Variants in CERS6 observed in about 807,000 individuals in gnomAD.
The protein encoded by CERS6 is LAG1 homolog, ceramide synthase 6.
Under a neutral mutation model 56.8 loss-of-function variants are expected in CERS6, and 26 were observed. The observed-to-expected ratio is 0.46, with a 90% CI of 0.34 to 0.63. The LOEUF is 0.63. Ranked by LOEUF, CERS6 falls within the 30% of genes least tolerant of loss-of-function variation. The pLI is 0.01. For missense variants in CERS6, 415 were observed against 467.5 expected, an observed-to-expected ratio of 0.89 and a Z score of 1.04; for synonymous variants, 164 against 173.3, an observed-to-expected ratio of 0.95 and a Z score of 0.42.
intron 1 of CERS6, among the ~76,000 whole-genome samples, chr2:168,535,426 T>G (rs887744748): frequency 1.3e-5 from 2 of 152,158 alleles, no homozygotes; most frequent in Admixed American, 6.5e-5. Flanking sequence ...GTTCACTTAC[T>G]GCTTCCCTTG....
intron 6 of CERS6, among the ~76,000 whole-genome samples, chr2:168,702,104 A>G (rs1298472309): frequency 1.3e-5 from 2 of 152,160 alleles, no homozygotes; most frequent in Non-Finnish European, 2.9e-5. Flanking sequence ...ACAACCGTCC[A>G]TTTTTTAAAA....
chr2:168,596,421 T>G (rs1055131704), intron 3 of CERS6, among the ~76,000 whole-genome samples: 2 of 152,162 alleles, frequency 1.3e-5, no homozygotes, highest in African/African-American at 2.4e-5. Flanking sequence ...CAGGGAAATG[T>G]AGATGAATGG....
chr2:168,490,256 A>G (rs979139619), intron 1 of CERS6, among the ~76,000 whole-genome samples: 1 of 152,030 alleles, frequency 6.6e-6, no homozygotes, highest in Non-Finnish European at 1.5e-5. Flanking sequence ...TCGCTTCTCC[A>G]TTTTCTTTCT....
At chr2:168,533,871 G>A (rs1010259200) in intron 1 of CERS6, among the ~76,000 whole-genome samples, 8 of 151,706 alleles carry the variant, frequency 5.3e-5, no homozygotes, top group African/African-American at 1.9e-4. Flanking sequence ...TCATTGGTTC[G>A]GTCTTTTTAC....
intron 3 of CERS6, among the ~76,000 whole-genome samples, chr2:168,572,769 T>G (rs1201089710): frequency 6.6e-6 from 1 of 152,142 alleles, no homozygotes; most frequent in Non-Finnish European, 1.5e-5. Flanking sequence ...CCGTGTTCGC[T>G]GTTTGCATCC....
intron 1 of CERS6, among the ~76,000 whole-genome samples, chr2:168,471,124 G>A (rs938100790): frequency 3.1e-4 from 47 of 152,148 alleles, no homozygotes; most frequent in Admixed American, 3.9e-4. Context: ...ATGGCTTACC[G>A]CTTATTTGAC....
intron 3 of CERS6, among the ~76,000 whole-genome samples, chr2:168,600,437 C>G (rs1159245924): frequency 1.3e-5 from 2 of 152,108 alleles, no homozygotes; most frequent in African/African-American, 4.8e-5. Context: ...ATCTCCTGAC[C>G]TAATGATCTG....
At chr2:168,576,361 G>T (rs926373668) in intron 3 of CERS6, among the ~76,000 whole-genome samples, 3 of 152,118 alleles carry the variant, frequency 2.0e-5, no homozygotes, top group Non-Finnish European at 4.4e-5. Context: ...GATTTGCAAT[G>T]TGTTTGTTTC....
chr2:168,620,011 C>CCA (rs1491366442), intron 3 of CERS6, among the ~76,000 whole-genome samples: 7,332 of 36,712 alleles, frequency 0.2, 421 homozygotes, highest in Middle Eastern at 0.23. Context: ...GTTCCACAAT[C>CCA]CATACACACA....
In CERS6 at chr2:168,696,910, C is replaced by T. The variant is rs77921658; in HGVS notation, c.609+1859C>T. Among the ~76,000 whole-genome samples the T allele has an allele frequency of 6.4e-3, 978 of 152,292 alleles. 12 individuals are homozygous for T. The highest frequency in any genetic ancestry group is 0.031 in the Middle Eastern group (9 of 294). ...CATGACTATCAGTGTAGCTGCTCATCGTGGGAATCAGTAAGTTGAGGGTAA... is the reference window on the plus strand; with the variant it reads ...CATGACTATCAGTGTAGCTGCTCATTGTGGGAATCAGTAAGTTGAGGGTAA... On this transcript the variant is annotated intron_variant, in intron 6 of 9. Coordinates refer to ENST00000305747, the MANE Select transcript of CERS6 (RefSeq NM_203463.3).
intron 8 of CERS6, among the ~76,000 whole-genome samples, chr2:168,739,174 G>T (rs923940778): frequency 3.4e-5 from 5 of 148,526 alleles, no homozygotes; most frequent in Non-Finnish European, 7.4e-5. Flanking sequence ...CTCCCAAAGT[G>T]CTAGGATTAC....
intron 4 of CERS6, among the ~76,000 whole-genome samples, chr2:168,683,297 C>T (rs549599926): frequency 1.3e-5 from 2 of 152,182 alleles, no homozygotes; most frequent in African/African-American, 4.8e-5. Flanking sequence ...AAATATTTGT[C>T]AGACTCTCAG....
intron 1 of CERS6, among the ~76,000 whole-genome samples, chr2:168,513,807 C>G (rs1331923068): frequency 6.6e-6 from 1 of 152,108 alleles, no homozygotes; most frequent in African/African-American, 2.4e-5. Context: ...CTCTGTTTTC[C>G]CTTTTATTGT....
intron 8 of CERS6, among the ~76,000 whole-genome samples, chr2:168,721,784 GATTT>G (rs1442775938): frequency 1.3e-5 from 2 of 151,734 alleles, no homozygotes; most frequent in African/African-American, 2.4e-5. Flanking sequence ...ATACCCAGCT[GATTT>G]ATTTATTTAT....
intron 1 of CERS6, among the ~76,000 whole-genome samples, chr2:168,507,638 T>C (rs1694702357): frequency 6.6e-6 from 1 of 152,184 alleles, no homozygotes; most frequent in Non-Finnish European, 1.5e-5. Context: ...TGATTAGTAT[T>C]TTGTGGGGAG....
intron 8 of CERS6, among the ~76,000 whole-genome samples, chr2:168,743,346 A>G (rs1033359236): frequency 6.6e-6 from 1 of 152,016 alleles, no homozygotes; most frequent in African/African-American, 2.4e-5. Flanking sequence ...TATATATAAG[A>G]GTTGTTTGGC....
At chr2:168,640,560 C>A (rs564512606) in intron 4 of CERS6, among the ~76,000 whole-genome samples, 1 of 152,260 alleles carries the variant, frequency 6.6e-6, no homozygotes, top group East Asian at 1.9e-4. Context: ...TGCTCTTTTC[C>A]CTGGTATCAT....
intron 2 of CERS6, among the ~76,000 whole-genome samples, chr2:168,554,236 TATAATC>T (rs138777203): frequency 0.05 from 7,540 of 152,204 alleles, 178 homozygotes; most frequent in South Asian, 0.07. Context: ...AGAATAAACT[TATAATC>T]ATATTAATAC....
chr2:168,653,161 T>A lies in CERS6; in HGVS notation c.465+22119T>A, dbSNP rs553548900. 3.3e-5 allele frequency among the ~76,000 whole-genome samples: 5 copies of A among 152,314 alleles called. No individual in the cohort carries two copies. The East Asian group carries it at 7.7e-4, about 23-fold the overall frequency. ...GTATTGTCATGAGTATTAAAATCAC[T>A]TAAAGGTCTGCAGGTCCCTCCGAAG... On this transcript the variant is annotated intron_variant, in intron 4 of 9. Transcript: ENST00000305747.
Sources: gnomAD v4.1 joint callset for allele counts (sites outside exome capture counted in the v4.1 genomes callset) on GRCh38, gnomAD v4.1.1 for gene constraint, MANE v1.5 for transcripts, NCBI Gene and HGNC (gene_info 2026-07-23, HGNC 2026-07-21) for gene names.